The following ZNF740 variants were observed in gnomAD, a reference collection of about 807,000 sequenced individuals.
The protein encoded by ZNF740 is zinc finger protein 740.
Under a neutral mutation model 24.8 loss-of-function variants are expected in ZNF740, and 14 were observed. The observed-to-expected ratio is 0.56, with a 90% confidence interval of 0.37 to 0.88. The LOEUF is 0.88. Ranked by LOEUF, ZNF740 falls within the 40% of genes least tolerant of loss-of-function variation. The pLI is 0.00. For missense variants in ZNF740, 201 were observed against 247.9 expected (o/e 0.81, Z 1.27); for synonymous variants, 69 against 84.0 (o/e 0.82, Z 0.98).
Position 53,191,323 on chromosome 12 carries a change from T to G in ZNF740, c.*3733T>G. ...AGGTAAAGCAAAGTGACAGCTGTGG[T>G]CTGAGGTAAGACTTTATTGTATACT... On this transcript the variant is annotated 3_prime_UTR_variant, in exon 7 of 7. Transcript: ENST00000416904. The G allele has an allele frequency of 3.7e-6, 2 of 543,858 alleles. No homozygotes were observed. Among genetic ancestry groups the G allele is most frequent in the South Asian group, 4.0e-5 (2 of 49,646 alleles). 33.7% of individuals were successfully genotyped at this position (543,858 alleles called of 1,614,324 possible).
At position 53,192,039 on chromosome 12, in the gene ZNF740, C is replaced by G. The variant is rs2120391148; in HGVS notation, c.*4449C>G. The G allele has an allele frequency of 1.2e-6, 2 of 1,608,178 alleles. No homozygotes were observed. The highest frequency in any genetic ancestry group is 2.2e-5 in the East Asian group (1 of 44,744). On this transcript the variant is annotated 3_prime_UTR_variant, in exon 7 of 7. Transcript: ENST00000416904. ...CTCCCTCTGTGAACAAGAAACCAGACACACTTGTGGGAGCTGGAGCATAGG... is the reference window on the plus strand; with the variant it reads ...CTCCCTCTGTGAACAAGAAACCAGAGACACTTGTGGGAGCTGGAGCATAGG...
In ZNF740 at chr12:53,181,603, A is replaced by G. The variant is rs917359961; in HGVS notation, c.-307-74A>G. 3 of 670,312 alleles carry G rather than the reference A, an allele frequency of 4.5e-6. No homozygotes were observed. In the African/African-American group the frequency reaches 5.9e-5, roughly 13 times the overall value. 41.5% of individuals were successfully genotyped at this position (670,312 alleles called of 1,614,324 possible). A position where few individuals can be genotyped will look rare whatever the true frequency, so the allele number is the denominator to read the frequency against. On this transcript the variant is annotated intron_variant, in intron 1 of 6. Coordinates refer to ENST00000416904, the MANE Select transcript of ZNF740 (RefSeq NM_001004304.4). ...TTCACAGAGAGCGCCCAGCAAAAAA[A>G]AAATTCATATCGCACGTTGTAATGG...
Position 53,192,643 on chromosome 12 carries a change from A to G in ZNF740, c.*5053A>G, listed in dbSNP as rs200271691. On this transcript the variant is annotated 3_prime_UTR_variant, in exon 7 of 7. Transcript: ENST00000416904. ...AGTAGGCAGATGGGAGTAGCTCAAC[A>G]AGCCCCACTGTGCCCCTGCTCCCAA... is the stretch of plus-strand genomic sequence containing the variant. 1.4e-5 allele frequency: 23 copies of G among 1,600,900 alleles called. No individual in the cohort carries two copies. The African/African-American group carries it at 3.1e-4, about 21-fold the overall frequency.
Position 53,193,486 on chromosome 12 carries a change from G to T in ZNF740, c.*5896G>T. On this transcript the variant is annotated 3_prime_UTR_variant, in exon 7 of 7. Coordinates refer to ENST00000416904, the MANE Select transcript of ZNF740 (RefSeq NM_001004304.4). The stretch of plus-strand genomic sequence containing the variant: ...TTGGAGACAGACAAACAGCTGAAAG[G>T]ATGTTAAGTATAGTGAAACACTGAG... 1.2e-6 allele frequency: 1 copy of T among 805,164 alleles called. No individual in the cohort carries two copies. The highest frequency in any genetic ancestry group is 1.9e-6 in the Non-Finnish European group (1 of 517,276). The allele number at this position is 805,164 out of a possible 1,614,324, so 49.9% of individuals were successfully genotyped here. A position where few individuals can be genotyped will look rare whatever the true frequency, so the allele number is the denominator to read the frequency against.
rs1320013532 is a variant in ZNF740 at position 53,190,258 on chromosome 12, C to G, written c.*2668C>G. On this transcript the variant is annotated 3_prime_UTR_variant, in exon 7 of 7. Transcript: ENST00000416904. ...ACCCCAGGGAAGCCACTGACTCACA[C>G]CGCTGCAGAGGCTCCTGGGCCCAAT... 1.3e-5 allele frequency: 2 copies of G among 152,732 alleles called. No individual in the cohort carries two copies. Among genetic ancestry groups the G allele is most frequent in the African/African-American group, 2.4e-5 (1 of 41,468 alleles). The allele number at this position is 152,732 out of a possible 1,614,324, so 9.5% of individuals were successfully genotyped here.
At chr12:53,181,499 C>A (rs1026312101) in intron 1 of ZNF740, 178 bp from the exon 2 acceptor site, 1 of 985,378 alleles carries the variant, frequency 1.0e-6, no homozygotes, top group African/African-American at 1.7e-5. Context: ...CTGTTGGCTT[C>A]CACTCCTTGC....
At position 53,193,982 on chromosome 12, in the gene ZNF740, A is replaced by T; in HGVS notation, c.*6392A>T. 1 of 1,399,032 alleles carries T rather than the reference A, an allele frequency of 7.1e-7. No individual in the cohort carries two copies. The allele number at this position is 1,399,032 out of a possible 1,614,324, so 86.7% of individuals were successfully genotyped here. A position where few individuals can be genotyped will look rare whatever the true frequency, so the allele number is the denominator to read the frequency against. On this transcript the variant is annotated 3_prime_UTR_variant, in exon 7 of 7. Coordinates refer to ENST00000416904, the MANE Select transcript of ZNF740 (RefSeq NM_001004304.4). ...AAACTCACCAATCATCCAGAACCTC[A>T]CCCCTTAGTAAATGAAGGGATGGGG...
Position 53,191,225 on chromosome 12 carries a change from C to T in ZNF740, c.*3635C>T. 3.0e-6 allele frequency: 1 copy of T among 331,810 alleles called. No homozygotes were observed. The highest frequency in any genetic ancestry group is 3.0e-5 in the South Asian group (1 of 33,322). 20.6% of individuals were successfully genotyped at this position (331,810 alleles called of 1,614,324 possible). A position where few individuals can be genotyped will look rare whatever the true frequency, so the allele number is the denominator to read the frequency against. ...GCGCTTGGGCACCTCTCCCTGCCCT[C>T]AGGTGGCAAGAGGAGGATGGACAAG... On this transcript the variant is annotated 3_prime_UTR_variant, in exon 7 of 7. Coordinates refer to ENST00000416904, the MANE Select transcript of ZNF740 (RefSeq NM_001004304.4).
Position 53,180,848 on chromosome 12 carries a change from GCC to G in ZNF740, c.-308+14_-308+15del. ...GGCCGCGCCTGGCAGGTAGGAGCAA[GCC>G]CCAAAGACCGCAGCGTCGTCCGTAC... is the stretch of plus-strand genomic sequence containing the variant. On this transcript the variant is annotated intron_variant, in intron 1 of 6. Coordinates refer to ENST00000416904, the MANE Select transcript of ZNF740 (RefSeq NM_001004304.4). 1 of 1,267,396 alleles carries G rather than the reference GCC, an allele frequency of 7.9e-7. No individual in the cohort carries two copies. The highest frequency in any genetic ancestry group is 1.0e-6 in the Non-Finnish European group (1 of 980,478). 78.5% of individuals were successfully genotyped at this position (1,267,396 alleles called of 1,614,324 possible). A position where few individuals can be genotyped will look rare whatever the true frequency, so the allele number is the denominator to read the frequency against.
At chr12:53,181,336 C>A in intron 1 of ZNF740, 2 of 985,426 alleles carry the variant, frequency 2.0e-6, no homozygotes, top group Non-Finnish European at 2.4e-6. Context: ...CTAGTCTTGC[C>A]GCCTCTGTAA....
At chr12:53,180,945 G>A (rs1348485445) in intron 1 of ZNF740, 108 bp downstream of exon 1, 5 of 952,524 alleles carry the variant, frequency 5.2e-6, no homozygotes, top group Admixed American at 5.9e-5. Context: ...AGGGGAGGAG[G>A]GGCGCGTGGC....
At position 53,191,578 on chromosome 12, in the gene ZNF740, T is replaced by C. The variant is rs1941945007; in HGVS notation, c.*3988T>C. ...CCTTCAGAGAGTGGGACTGTCTGCCTCTTGAAAGCGAGGATTGATGGTGGT... is the reference window on the plus strand; with the variant it reads ...CCTTCAGAGAGTGGGACTGTCTGCCCCTTGAAAGCGAGGATTGATGGTGGT... On this transcript the variant is annotated 3_prime_UTR_variant, in exon 7 of 7. Transcript: ENST00000416904. The C allele has an allele frequency of 1.9e-6, 3 of 1,613,332 alleles. No individual in the cohort carries two copies. Among genetic ancestry groups the C allele is most frequent in the African/African-American group, 1.3e-5 (1 of 74,892 alleles).
In ZNF740 at chr12:53,186,444, C is replaced by T. The variant is rs1160479574; in HGVS notation, c.427C>T (p.His143Tyr). ...TGATATGCGTTTCATCCAGAAGTACCACCTGGAACGCCACAAGCGTGTGCA... is the reference window on the plus strand; with the variant it reads ...TGATATGCGTTTCATCCAGAAGTACTACCTGGAACGCCACAAGCGTGTGCA... ...ICDMRFIQKY[H>Y]LERHKRVHSG... The change falls in exon 6 of 7, where the codon CAC (histidine) becomes TAC (tyrosine). Residue 143 changes from histidine to tyrosine, a missense_variant. By Grantham distance (83) the His-to-Tyr change is moderately conservative. Around this residue, in one of 3 missense-constraint regions of ZNF740, gnomAD observed 60 missense variants for 107.8 expected, o/e 0.56. Transcript: ENST00000416904. The T allele has an allele frequency of 6.3e-7, 1 of 1,593,730 alleles. No individual in the cohort carries two copies.
intron 2 of ZNF740, among the ~76,000 whole-genome samples, chr12:53,184,146 T>TGCGCGCGC (rs1387799137): frequency 4.8e-5 from 5 of 103,200 alleles, no homozygotes; most frequent in African/African-American, 1.9e-4. Flanking sequence ...TGTGTGTGTG[T>TGCGCGCGC]GTGTGCGCGC....
At chr12:53,181,567 T>C (rs1941641062) in intron 1 of ZNF740, 110 bp from the exon 2 acceptor site, 2 of 934,738 alleles carry the variant, frequency 2.1e-6, no homozygotes, top group South Asian at 4.5e-5. Flanking sequence ...ACTCATGTCC[T>C]CGTTCTGAGC....
At chr12:53,180,929 G>A (rs1941567925) in intron 1 of ZNF740, 92 bp downstream of exon 1, 1 of 1,015,988 alleles carries the variant, frequency 9.8e-7, no homozygotes, top group Non-Finnish European at 1.2e-6. Context: ...CGGGAAGGGG[G>A]AGGGGAGGGG....
At position 53,192,715 on chromosome 12, in the gene ZNF740, C is replaced by T; in HGVS notation, c.*5125C>T. The T allele has an allele frequency of 1.2e-6, 2 of 1,614,108 alleles. No individual in the cohort carries two copies. The highest frequency in any genetic ancestry group is 2.2e-5 in the South Asian group (2 of 91,088). Reference sequence around the variant, plus strand: ...CCGGTGTCTCTCGCATGGTGTCTTGCAGCCTGGGCATTGGTCGCATAGAGC... The same window carrying T: ...CCGGTGTCTCTCGCATGGTGTCTTGTAGCCTGGGCATTGGTCGCATAGAGC... On this transcript the variant is annotated 3_prime_UTR_variant, in exon 7 of 7. Transcript: ENST00000416904.
Position 53,187,605 on chromosome 12 carries a change from G to GGGT in ZNF740, c.*21_*23dup, listed in dbSNP as rs1941849120. 3 of 1,610,392 alleles carry GGGT rather than the reference G, an allele frequency of 1.9e-6. No homozygotes were observed. The highest frequency in any genetic ancestry group is 2.5e-6 in the Non-Finnish European group (3 of 1,176,858). On this transcript the variant is annotated 3_prime_UTR_variant, in exon 7 of 7. Coordinates refer to ENST00000416904, the MANE Select transcript of ZNF740 (RefSeq NM_001004304.4). ...TTTCTCTATAGGCGCAAGGGGCCCC[G>GGGT]GGTGGTGGGAGTGATCAGAAGAACC...
chr12:53,193,605 C>T lies in ZNF740; in HGVS notation c.*6015C>T, dbSNP rs143314023. On this transcript the variant is annotated 3_prime_UTR_variant, in exon 7 of 7. Transcript: ENST00000416904. ...GAAACTGAGTGGGGAGTCGGGATGT[C>T]GAGGAGACTCCTGTGGGGGGGATGG... The T allele has an allele frequency of 6.9e-4, 727 of 1,052,750 alleles. 3 individuals are homozygous for T. In the African/African-American group the frequency reaches 0.01, roughly 15 times the overall value. 65.2% of individuals were successfully genotyped at this position (1,052,750 alleles called of 1,614,324 possible).
Sources: allele counts gnomAD v4.1 joint callset (sites outside exome capture counted in the v4.1 genomes callset), GRCh38; gene constraint gnomAD v4.1.1; regional missense constraint gnomAD v4.1.1; transcripts MANE v1.5; gene names NCBI Gene and HGNC (gene_info 2026-07-23, HGNC 2026-07-21).